The following SWT1 variants were observed in gnomAD, a reference collection of about 807,000 sequenced individuals.
SWT1 encodes the protein SWT1 RNA endoribonuclease homolog, also known as transcriptional protein SWT1.
A neutral mutation model predicts 107.3 loss-of-function variants in SWT1; 33 were observed. That is an observed-to-expected ratio of 0.31 (90% CI 0.23 to 0.41). The LOEUF (loss-of-function observed/expected upper bound fraction) is 0.41. Ranked by LOEUF, SWT1 falls within the 10% of genes least tolerant of loss-of-function variation. The pLI is 1.00. For synonymous variants in SWT1, 345 were observed against 348.3 expected, an observed-to-expected ratio of 0.99 and a Z score of 0.11; for missense variants, 898 against 1,028.9, an observed-to-expected ratio of 0.87 and a Z score of 1.74.
At chr1:185,168,979 A>G (rs935405371) in intron 4 of SWT1, among the ~76,000 whole-genome samples, 4 of 152,196 alleles carry the variant, frequency 2.6e-5, no homozygotes, top group African/African-American at 9.6e-5. Flanking sequence ...ATAACGTGTG[A>G]TAAAACTTGG....
chr1:185,214,742 A>G, intron 14 of SWT1, 87 bp downstream of exon 14: 1 of 1,119,770 alleles, frequency 8.9e-7, no homozygotes, highest in Non-Finnish European at 1.3e-6. Context: ...GTAAAGGATA[A>G]TTTAATTCTA....
rs1296400685 is a variant in SWT1, at chr1:185,202,660, T to C, written c.1530T>C (p.Asp510=). 2 of 1,606,476 alleles carry C rather than the reference T, an allele frequency of 1.2e-6. No homozygotes were observed. Among genetic ancestry groups the C allele is most frequent in the South Asian group, 1.1e-5 (1 of 89,186 alleles). ...PCSFVILCTD[D]RNLRNKGLIS... is the part of the protein sequence containing the mutation. ...CCCAACCTCCCAACCTTAGGGATGA[T>C]AGAAACTTAAGAAACAAAGGCCTAA... The change falls in exon 11 of 19, where the codon GAT becomes GAC. Residue 510 remains aspartate, a synonymous_variant. Coordinates refer to ENST00000367500, the MANE Select transcript of SWT1 (RefSeq NM_017673.7).
At chr1:185,288,170 C>T (rs886675465) in intron 18 of SWT1, among the ~76,000 whole-genome samples, 1 of 152,096 alleles carries the variant, frequency 6.6e-6, no homozygotes, top group African/African-American at 2.4e-5. Context: ...TTGGCAGCAC[C>T]ATAGCCCTAT....
intron 10 of SWT1, 22 bp downstream of exon 10, chr1:185,190,664 CT>C: frequency 7.1e-7 from 1 of 1,407,386 alleles, no homozygotes; most frequent in Non-Finnish European, 9.9e-7. Flanking sequence ...AGTCATTTGA[CT>C]TTTTATTTTT....
intron 15 of SWT1, among the ~76,000 whole-genome samples, chr1:185,225,036 T>C (rs1659946113): frequency 1.3e-5 from 2 of 152,266 alleles, no homozygotes; most frequent in South Asian, 4.1e-4. Flanking sequence ...TCCTTCAGTA[T>C]GATGTTAACT....
chr1:185,246,783 C>G (rs908548198), intron 16 of SWT1, among the ~76,000 whole-genome samples: 4 of 151,574 alleles, frequency 2.6e-5, no homozygotes, highest in Non-Finnish European at 5.9e-5. Context: ...GCGCACTCCA[C>G]CATGCATGGC....
chr1:185,161,294 A>G (rs577196628), intron 2 of SWT1, among the ~76,000 whole-genome samples: 72 of 152,248 alleles, frequency 4.7e-4, no homozygotes, highest in African/African-American at 1.7e-3. Flanking sequence ...AATTTCCTCA[A>G]CGTTGGCTAG....
At chr1:185,162,866 C>T (rs1451338548) in intron 2 of SWT1, among the ~76,000 whole-genome samples, 1 of 151,510 alleles carries the variant, frequency 6.6e-6, no homozygotes, top group Non-Finnish European at 1.5e-5. Context: ...CGGGAGGATC[C>T]CTTGAGCCCA....
chr1:185,176,073 T>C (rs1277909117), intron 5 of SWT1, among the ~76,000 whole-genome samples: 1 of 152,040 alleles, frequency 6.6e-6, no homozygotes, highest in South Asian at 2.1e-4. Flanking sequence ...GCAGATTGTC[T>C]GAGGCCAGGA....
intron 14 of SWT1, among the ~76,000 whole-genome samples, chr1:185,220,287 T>C (rs1659556721): frequency 6.6e-6 from 1 of 150,976 alleles, no homozygotes; most frequent in South Asian, 2.1e-4. Flanking sequence ...GAGCACTCAC[T>C]TACCTGTTAA....
At chr1:185,189,854 C>CT (rs1229592957) in intron 9 of SWT1, among the ~76,000 whole-genome samples, 85 of 144,142 alleles carry the variant, frequency 5.9e-4, no homozygotes, top group Admixed American at 8.4e-4. Flanking sequence ...TACATATATA[C>CT]TTTTTTTTTT....
intron 5 of SWT1, chr1:185,176,539 A>G: frequency 5.1e-6 from 5 of 972,392 alleles, no homozygotes; most frequent in Non-Finnish European, 4.9e-6. Flanking sequence ...CCTAATCTCT[A>G]TAATTTTGTT....
chr1:185,272,705 A>G (rs1288839097), intron 17 of SWT1, among the ~76,000 whole-genome samples: 1 of 152,182 alleles, frequency 6.6e-6, no homozygotes, highest in Non-Finnish European at 1.5e-5. Context: ...TAAATAATGT[A>G]AAATATGCAA....
chr1:185,207,654 C>T (rs1456105760), intron 13 of SWT1, among the ~76,000 whole-genome samples: 1 of 152,154 alleles, frequency 6.6e-6, no homozygotes, highest in Admixed American at 6.5e-5. Context: ...GTAATCTCAG[C>T]ACTTTGGGAG....
intron 16 of SWT1, among the ~76,000 whole-genome samples, chr1:185,244,251 TTAA>T (rs1246326160): frequency 6.6e-6 from 1 of 152,170 alleles, no homozygotes; most frequent in East Asian, 1.9e-4. Flanking sequence ...CATACATATC[TTAA>T]TGATGGGGAT....
At chr1:185,204,316 A>G (rs1347973151) in intron 11 of SWT1, among the ~76,000 whole-genome samples, 1 of 152,154 alleles carries the variant, frequency 6.6e-6, no homozygotes, top group Non-Finnish European at 1.5e-5. Flanking sequence ...TTTTTGGAAA[A>G]AAACCCATTT....
chr1:185,266,681 A>G (rs1323171536), intron 16 of SWT1: 1 of 145,762 alleles, frequency 6.9e-6, no homozygotes, highest in Admixed American at 6.8e-5. Context: ...TTTTTTTCTT[A>G]AAGAGATATA....
chr1:185,235,252 A>T (rs917799242), intron 16 of SWT1, among the ~76,000 whole-genome samples: 1 of 152,206 alleles, frequency 6.6e-6, no homozygotes, highest in African/African-American at 2.4e-5. Context: ...CCTGGCAGAG[A>T]CACAACAAAA....
chr1:185,160,741 A>G, intron 1 of SWT1, 92 bp from the exon 2 acceptor site: 1 of 886,000 alleles, frequency 1.1e-6, no homozygotes, highest in South Asian at 1.6e-5. Context: ...TCATATTGTA[A>G]AACTCCAATC....
Sources: allele counts gnomAD v4.1 joint callset (sites outside exome capture counted in the v4.1 genomes callset), GRCh38; gene constraint gnomAD v4.1.1; transcripts MANE v1.5; gene names NCBI Gene and HGNC (gene_info 2026-07-23, HGNC 2026-07-21).